The following SAMD3 variants were observed in gnomAD, a reference collection of about 807,000 sequenced individuals.
SAMD3 encodes sterile alpha motif domain-containing protein 3.
In SAMD3, 63 loss-of-function variants were observed where a neutral mutation model predicts 58.5. The observed-to-expected ratio is 1.08, with a 90% CI of 0.88 to 1.33. SAMD3 has a LOEUF of 1.33. Ranked by LOEUF, SAMD3 falls within the 40% of genes most tolerant of loss-of-function variation. The pLI, the probability that SAMD3 is intolerant of heterozygous loss-of-function variation, is 0.00. For synonymous variants in SAMD3, 220 were observed against 210.3 expected, an observed-to-expected ratio of 1.05 and a Z score of -0.40; for missense variants, 604 against 608.4, an observed-to-expected ratio of 0.99 and a Z score of 0.08.
intron 7 of SAMD3, among the ~76,000 whole-genome samples, chr6:130,178,722 A>T (rs1388358052): frequency 6.6e-6 from 1 of 152,240 alleles, no homozygotes; most frequent in Non-Finnish European, 1.5e-5. Context: ...GAACAATAAG[A>T]TCTGTCCTAT....
At chr6:130,350,544 T>C (rs1777619911) in intron 1 of SAMD3, among the ~76,000 whole-genome samples, 1 of 152,136 alleles carries the variant, frequency 6.6e-6, no homozygotes, top group South Asian at 2.1e-4. Flanking sequence ...CAAGGAGAAC[T>C]ACAAACCACT....
chr6:130,267,752 T>C (rs892371376), intron 2 of SAMD3, among the ~76,000 whole-genome samples: 1 of 152,192 alleles, frequency 6.6e-6, no homozygotes, highest in Admixed American at 6.5e-5. Flanking sequence ...TGAAACTTCC[T>C]GGTCTGTTCT....
At chr6:130,182,237 T>A (rs917778184) in intron 7 of SAMD3, among the ~76,000 whole-genome samples, 5 of 145,466 alleles carry the variant, frequency 3.4e-5, no homozygotes, top group African/African-American at 1.3e-4. Flanking sequence ...TTGTTGTTGT[T>A]GCCTTGTTTT....
intron 2 of SAMD3, among the ~76,000 whole-genome samples, chr6:130,256,944 C>T (rs1999684): frequency 0.45 from 67,865 of 151,936 alleles, 17,161 homozygotes; most frequent in African/African-American, 0.69. Context: ...GAAATAGTTG[C>T]TGTGTAAGTA....
chr6:130,266,393 T>G (rs1774358212), intron 2 of SAMD3, among the ~76,000 whole-genome samples: 1 of 152,028 alleles, frequency 6.6e-6, no homozygotes, highest in Admixed American at 6.5e-5. Context: ...CCTGATGAAT[T>G]CCCGGCTCAA....
At chr6:130,148,833 ACT>A (rs1286187132) in intron 9 of SAMD3, among the ~76,000 whole-genome samples, 2 of 135,412 alleles carry the variant, frequency 1.5e-5, no homozygotes, top group Non-Finnish European at 3.2e-5. Flanking sequence ...TGATCATGAC[ACT>A]CCAGCCTGGA....
intron 4 of SAMD3, among the ~76,000 whole-genome samples, chr6:130,210,645 G>A (rs988428478): frequency 1.1e-4 from 16 of 150,840 alleles, no homozygotes; most frequent in Non-Finnish European, 5.9e-5. Flanking sequence ...AAATTCTAAG[G>A]CCCCCAACCA....
chr6:130,291,636 G>A (rs1336867987), intron 2 of SAMD3, among the ~76,000 whole-genome samples: 1 of 152,164 alleles, frequency 6.6e-6, no homozygotes, highest in Non-Finnish European at 1.5e-5. Context: ...GAACATACCA[G>A]CATGATCTAA....
chr6:130,352,007 G>A (rs759032277), intron 1 of SAMD3, among the ~76,000 whole-genome samples: 1 of 144,970 alleles, frequency 6.9e-6, no homozygotes, highest in African/African-American at 2.5e-5. Flanking sequence ...GGTGGGAATT[G>A]AACAATGAGA....
At chr6:130,247,665 A>C (rs1237299760) in intron 2 of SAMD3, among the ~76,000 whole-genome samples, 1 of 151,908 alleles carries the variant, frequency 6.6e-6, no homozygotes, top group Admixed American at 6.5e-5. Context: ...ACTGGTGCAT[A>C]AGAGAACAAA....
chr6:130,298,267 T>C (rs1775634518), intron 2 of SAMD3, among the ~76,000 whole-genome samples: 1 of 152,146 alleles, frequency 6.6e-6, no homozygotes. Context: ...GCCAAGAATT[T>C]CATATCCTGC....
chr6:130,179,151 C>A (rs1006925143), intron 7 of SAMD3, among the ~76,000 whole-genome samples: 1 of 152,104 alleles, frequency 6.6e-6, no homozygotes, highest in Admixed American at 6.5e-5. Flanking sequence ...TTCTTTCTAG[C>A]CTCTCCCATC....
chr6:130,349,246 A>G (rs1777567374), intron 1 of SAMD3, among the ~76,000 whole-genome samples: 1 of 152,280 alleles, frequency 6.6e-6, no homozygotes, highest in South Asian at 2.1e-4. Context: ...AACTGAAGGA[A>G]ATAGAGACAC....
chr6:130,160,589 C>G (rs1165559619), intron 8 of SAMD3: 1 of 152,018 alleles, frequency 6.6e-6, no homozygotes, highest in Non-Finnish European at 1.5e-5. Flanking sequence ...CAGAGCAAAT[C>G]TGAAGATTGT....
intron 1 of SAMD3, among the ~76,000 whole-genome samples, chr6:130,321,282 C>T (rs1583102427): frequency 6.6e-6 from 1 of 152,094 alleles, no homozygotes; most frequent in Non-Finnish European, 1.5e-5. Context: ...TATCTGTGAT[C>T]GAGAGCCAGT....
At chr6:130,212,799 A>G (rs1367773622) in intron 4 of SAMD3, among the ~76,000 whole-genome samples, 1 of 152,210 alleles carries the variant, frequency 6.6e-6, no homozygotes, top group Non-Finnish European at 1.5e-5. Flanking sequence ...ATGGAAGGGA[A>G]CTTCCAGCTC....
intron 2 of SAMD3, among the ~76,000 whole-genome samples, chr6:130,231,478 C>T (rs1363456221): frequency 6.6e-6 from 1 of 152,080 alleles, no homozygotes; most frequent in African/African-American, 2.4e-5. Flanking sequence ...GCAGGAGATC[C>T]ACTTGAACCT....
chr6:130,143,416 GT>G (rs1337844392), downstream of SAMD3, among the ~76,000 whole-genome samples: 1 of 152,002 alleles, frequency 6.6e-6, no homozygotes, highest in Non-Finnish European at 1.5e-5. Context: ...CGGCTAATTT[GT>G]TTTTTTAGTA....
intron 2 of SAMD3, among the ~76,000 whole-genome samples, chr6:130,262,617 C>A (rs545212237): frequency 1.3e-5 from 2 of 151,014 alleles, no homozygotes; most frequent in East Asian, 1.9e-4. Context: ...GAAATTCATG[C>A]AAGAAATGTT....
Sources: gnomAD v4.1 joint callset for allele counts (sites outside exome capture counted in the v4.1 genomes callset) on GRCh38, gnomAD v4.1.1 for gene constraint, MANE v1.5 for transcripts, NCBI Gene and HGNC (gene_info 2026-07-23, HGNC 2026-07-21) for gene names.